The following HSF2BP variants were observed in gnomAD, a reference collection of about 807,000 sequenced individuals.
HSF2BP encodes the protein heat shock transcription factor 2 binding protein.
HSF2BP carries 35 observed loss-of-function variants against 35.0 expected under a neutral mutation model. The ratio of observed to expected loss-of-function variants is 1.00; its 90% CI spans 0.76 to 1.32. The LOEUF (loss-of-function observed/expected upper bound fraction) is 1.32, where lower values mean the gene tolerates loss of function less well. HSF2BP is among the 40% of genes most tolerant of loss of function. The probability of loss-of-function intolerance (pLI) is 0.00; values close to 1 mark genes in which losing one functional copy is unlikely to be tolerated. For synonymous variants in HSF2BP, 114 were observed against 117.4 expected (o/e 0.97, Z 0.18); for missense variants, 326 against 321.7 (o/e 1.01, Z -0.10).
At chr21:43,573,817 A>G (rs2081606074) in intron 8 of HSF2BP, among the ~76,000 whole-genome samples, 1 of 152,032 alleles carries the variant, frequency 6.6e-6, no homozygotes, top group Admixed American at 6.5e-5. Flanking sequence ...ACACCTGGGC[A>G]TCTCGGGGCT....
At position 43,619,913 on chromosome 21, in the gene HSF2BP, C is replaced by T. The variant is rs1007764648; in HGVS notation, c.575-5966G>A. 2.6e-5 allele frequency among the ~76,000 whole-genome samples: 4 copies of T among 152,212 alleles called. No individual in the cohort carries two copies. The East Asian group carries it at 5.8e-4, about 22-fold the overall frequency. ...GTCCCACAGGTCCCCTGGGCACAGA[C>T]GCCTTGCCAGTATTCCCACACTGCC... On this transcript the variant is annotated intron_variant, in intron 6 of 8. Coordinates refer to ENST00000291560, the MANE Select transcript of HSF2BP (RefSeq NM_007031.2).
intron 3 of HSF2BP, among the ~76,000 whole-genome samples, chr21:43,648,213 G>A (rs1238158719): frequency 6.6e-6 from 1 of 152,126 alleles, no homozygotes; most frequent in Non-Finnish European, 1.5e-5. Flanking sequence ...TGCCCCAAGA[G>A]GCAGATGTGA....
intron 4 of HSF2BP, among the ~76,000 whole-genome samples, chr21:43,635,646 G>A (rs2082541437): frequency 6.6e-6 from 1 of 152,146 alleles, no homozygotes; most frequent in Admixed American, 6.5e-5. Flanking sequence ...GCCGGGTGCG[G>A]TGGCTCACAC....
intron 7 of HSF2BP, among the ~76,000 whole-genome samples, chr21:43,604,521 CCCA>C (rs1568905170): frequency 1.1e-3 from 148 of 131,850 alleles, no homozygotes; most frequent in African/African-American, 4.3e-3. Context: ...CTATACACAC[CCCA>C]CACACACACC....
intron 3 of HSF2BP, among the ~76,000 whole-genome samples, chr21:43,652,045 T>G (rs1285266519): frequency 6.6e-6 from 1 of 152,066 alleles, no homozygotes; most frequent in African/African-American, 2.4e-5. Flanking sequence ...AAAAGAAACT[T>G]CTCAAATCAG....
intron 3 of HSF2BP, among the ~76,000 whole-genome samples, chr21:43,646,638 G>C (rs917720577): frequency 6.6e-6 from 1 of 152,134 alleles, no homozygotes; most frequent in Non-Finnish European, 1.5e-5. Context: ...CTTGCATTAC[G>C]GTAATTTCAT....
At chr21:43,602,826 G>T (rs1009068842) in intron 7 of HSF2BP, among the ~76,000 whole-genome samples, 1 of 152,156 alleles carries the variant, frequency 6.6e-6, no homozygotes, top group African/African-American at 2.4e-5. Flanking sequence ...AGAACCAAGT[G>T]ACCATTCAGG....
intron 6 of HSF2BP, among the ~76,000 whole-genome samples, chr21:43,618,663 G>A (rs913800164): frequency 1.3e-5 from 2 of 152,180 alleles, no homozygotes; most frequent in South Asian, 2.1e-4. Context: ...CTGGCCGGGC[G>A]CAGTGGCTCA....
At position 43,654,356 on chromosome 21, in the gene HSF2BP, G is replaced by A. The variant is rs570009397; in HGVS notation, c.187+2231C>T. Reference sequence around the variant, plus strand: ...CAGAGCTTCAAGTAAGGGATTTCTAGAACAATGTTCCACGTCTATTTGAAC... The same window carrying A: ...CAGAGCTTCAAGTAAGGGATTTCTAAAACAATGTTCCACGTCTATTTGAAC... On this transcript the variant is annotated intron_variant, in intron 3 of 8. Transcript: ENST00000291560. 1.2e-4 allele frequency among the ~76,000 whole-genome samples: 18 copies of A among 152,338 alleles called. No homozygotes were observed. In the East Asian group the frequency reaches 3.5e-3, roughly 29 times the overall value.
chr21:43,604,388 CCACACACACTACA>C (rs2082092264), intron 7 of HSF2BP, among the ~76,000 whole-genome samples: 1 of 136,016 alleles, frequency 7.4e-6, no homozygotes, highest in Non-Finnish European at 1.6e-5. Context: ...CACACACACA[CCACACACACTACA>C]CACACACCAT....
intron 4 of HSF2BP, among the ~76,000 whole-genome samples, chr21:43,643,852 G>C (rs1396814953): frequency 6.6e-6 from 1 of 152,030 alleles, no homozygotes; most frequent in Non-Finnish European, 1.5e-5. Flanking sequence ...CTACTCGGGA[G>C]GCTGAGGCAG....
At chr21:43,638,564 T>C (rs1049994031) in intron 4 of HSF2BP, among the ~76,000 whole-genome samples, 1 of 152,184 alleles carries the variant, frequency 6.6e-6, no homozygotes, top group Non-Finnish European at 1.5e-5. Context: ...AAAAATCTAA[T>C]ACAAATGTGT....
chr21:43,604,298 C>G (rs2082088581), intron 7 of HSF2BP, among the ~76,000 whole-genome samples: 1 of 147,098 alleles, frequency 6.8e-6, no homozygotes, highest in South Asian at 2.2e-4. Flanking sequence ...ACACACCACA[C>G]ACACCATGCA....
intron 8 of HSF2BP, among the ~76,000 whole-genome samples, chr21:43,583,954 GATGAGGACCTGCCGAA>G: frequency 7.7e-6 from 1 of 130,548 alleles, no homozygotes; most frequent in African/African-American, 3.0e-5. Context: ...TGCTAAGGGA[GATGAGGACCTGCCGAA>G]GGAGATGAAG....
At chr21:43,582,077 A>G (rs1601616117) in intron 8 of HSF2BP, among the ~76,000 whole-genome samples, 1 of 60,544 alleles carries the variant, frequency 1.7e-5, no homozygotes. Context: ...GTGGGAGATG[A>G]GGGCCTGCTG....
chr21:43,640,046 A>C (rs1490617201), intron 4 of HSF2BP, among the ~76,000 whole-genome samples: 3 of 152,232 alleles, frequency 2.0e-5, no homozygotes, highest in African/African-American at 4.8e-5. Context: ...TCATGCCTGT[A>C]ATCCCAGCAC....
intron 7 of HSF2BP, among the ~76,000 whole-genome samples, chr21:43,592,552 A>C (rs2081939968): frequency 6.6e-6 from 1 of 152,206 alleles, no homozygotes; most frequent in Non-Finnish European, 1.5e-5. Context: ...AGCCTCACAT[A>C]ATCAAGAGTC....
At chr21:43,615,117 G>A (rs1216452375) in intron 6 of HSF2BP, among the ~76,000 whole-genome samples, 1 of 152,196 alleles carries the variant, frequency 6.6e-6, no homozygotes, top group East Asian at 1.9e-4. Context: ...ATTTATGTAT[G>A]TGTTTGTTAA....
intron 3 of HSF2BP, among the ~76,000 whole-genome samples, chr21:43,646,776 AC>A (rs2082714309): frequency 6.6e-6 from 1 of 152,208 alleles, no homozygotes; most frequent in Non-Finnish European, 1.5e-5. Context: ...GGGAGGCCAC[AC>A]CCATCTACGC....
Sources: allele counts gnomAD v4.1 joint callset (sites outside exome capture counted in the v4.1 genomes callset), GRCh38; gene constraint gnomAD v4.1.1; transcripts MANE v1.5; gene names NCBI Gene and HGNC (gene_info 2026-07-23, HGNC 2026-07-21).